The following CHRM2 variants were observed in gnomAD, a reference collection of about 807,000 sequenced individuals.
The protein encoded by CHRM2 is cholinergic receptor muscarinic 2, also known as muscarinic acetylcholine receptor M2.
Under a neutral mutation model 25.0 loss-of-function variants are expected in CHRM2, and 8 were observed. The ratio of observed to expected loss-of-function variants is 0.32; its 90% CI spans 0.19 to 0.58. The LOEUF (loss-of-function observed/expected upper bound fraction) is 0.58. CHRM2 is among the 20% of genes least tolerant of loss of function. The probability of loss-of-function intolerance (pLI) is 0.88; values close to 1 mark genes in which losing one functional copy is unlikely to be tolerated. For missense variants in CHRM2, 440 were observed against 567.1 expected (o/e 0.78, Z 2.28); for synonymous variants, 202 against 205.7 (o/e 0.98, Z 0.15).
chr7:136,965,889 T>C (rs558845201), intron 2 of CHRM2, among the ~76,000 whole-genome samples: 1 of 152,090 alleles, frequency 6.6e-6, no homozygotes, highest in East Asian at 1.9e-4. Context: ...TGAGCCATGA[T>C]GTGTTGACAA....
chr7:136,956,626 T>A (rs1800739941), intron 2 of CHRM2, among the ~76,000 whole-genome samples: 1 of 152,134 alleles, frequency 6.6e-6, no homozygotes, highest in Non-Finnish European at 1.5e-5. Flanking sequence ...AAATTACTGG[T>A]ATACTTTTTT....
At chr7:136,930,898 CAAAA>C (rs57705639) in intron 2 of CHRM2, among the ~76,000 whole-genome samples, 181 of 61,098 alleles carry the variant, frequency 3.0e-3, no homozygotes, top group East Asian at 0.022. Flanking sequence ...CTCATTCTCT[CAAAA>C]AAAAAAAAAA....
At chr7:136,985,487 G>A (rs560727041) in intron 2 of CHRM2, among the ~76,000 whole-genome samples, 2 of 119,312 alleles carry the variant, frequency 1.7e-5, no homozygotes, top group East Asian at 5.6e-4. Flanking sequence ...TCCAGCCTGG[G>A]TAACAGAGTT....
intron 3 of CHRM2, among the ~76,000 whole-genome samples, chr7:137,007,047 C>A (rs1420806344): frequency 6.6e-6 from 1 of 151,932 alleles, no homozygotes; most frequent in East Asian, 1.9e-4. Flanking sequence ...AAAAATCAAT[C>A]AAAGAAAAAC....
chr7:136,969,315 T>TA (rs2130923492), intron 2 of CHRM2, among the ~76,000 whole-genome samples: 1 of 152,298 alleles, frequency 6.6e-6, no homozygotes, highest in South Asian at 2.1e-4. Flanking sequence ...TTGGGTTCCA[T>TA]ATATTCTATC....
intron 2 of CHRM2, among the ~76,000 whole-genome samples, chr7:136,891,116 A>G (rs1317188588): frequency 6.6e-6 from 1 of 152,234 alleles, no homozygotes; most frequent in Non-Finnish European, 1.5e-5. Context: ...CCCATCACCT[A>G]GTTTTCTCTG....
intron 3 of CHRM2, among the ~76,000 whole-genome samples, chr7:137,012,732 T>C (rs1218243414): frequency 6.6e-6 from 1 of 152,022 alleles, no homozygotes; most frequent in Non-Finnish European, 1.5e-5. Context: ...ACAACATTTC[T>C]GAGTGAACAT....
At chr7:136,884,800 T>C (rs567508479) in intron 2 of CHRM2, among the ~76,000 whole-genome samples, 1 of 152,312 alleles carries the variant, frequency 6.6e-6, no homozygotes, top group Admixed American at 6.5e-5. Context: ...GTATTCTCTT[T>C]AGGGGCTACT....
At chr7:136,960,449 C>T (rs1384186353) in intron 2 of CHRM2, among the ~76,000 whole-genome samples, 1 of 152,190 alleles carries the variant, frequency 6.6e-6, no homozygotes, top group East Asian at 1.9e-4. Context: ...CCAGAACATC[C>T]TATTCACTCA....
At chr7:136,967,813 G>T (rs1187953173) in intron 2 of CHRM2, among the ~76,000 whole-genome samples, 2 of 151,886 alleles carry the variant, frequency 1.3e-5, no homozygotes, top group Non-Finnish European at 2.9e-5. Context: ...ACTACAATTA[G>T]GGTCTGAGTA....
intron 2 of CHRM2, chr7:136,907,904 T>C (rs559679175): frequency 6.6e-6 from 1 of 152,038 alleles, no homozygotes; most frequent in South Asian, 2.1e-4. Context: ...TTTGTTTCTA[T>C]GACCAGTATC....
At chr7:136,871,164 A>T (rs975728998) in intron 2 of CHRM2, 1 of 153,316 alleles carries the variant, frequency 6.5e-6, no homozygotes, top group African/African-American at 2.4e-5. Flanking sequence ...TGGAGAGGGG[A>T]AGTCAGCCTA....
intron 2 of CHRM2, among the ~76,000 whole-genome samples, chr7:136,873,802 T>TA (rs35832653): frequency 0.13 from 19,968 of 152,200 alleles, 1,451 homozygotes; most frequent in Non-Finnish European, 0.17. Context: ...ATGTTTTTGT[T>TA]AGATCCTCCA....
intron 2 of CHRM2, among the ~76,000 whole-genome samples, chr7:136,987,291 G>A (rs1465283914): frequency 6.6e-6 from 1 of 152,114 alleles, no homozygotes; most frequent in Non-Finnish European, 1.5e-5. Flanking sequence ...CAATCATTTA[G>A]GGGCACCCTC....
intron 2 of CHRM2, among the ~76,000 whole-genome samples, chr7:136,932,355 T>C (rs1285013872): frequency 6.6e-6 from 1 of 152,226 alleles, no homozygotes; most frequent in Non-Finnish European, 1.5e-5. Flanking sequence ...GCTTCACTGG[T>C]GAATTCTTCT....
chr7:136,995,089 A>G (rs1803505829), intron 3 of CHRM2, among the ~76,000 whole-genome samples: 1 of 152,086 alleles, frequency 6.6e-6, no homozygotes, highest in Non-Finnish European at 1.5e-5. Flanking sequence ...GTAAAATAAT[A>G]GCTTTTATAT....
At chr7:136,907,559 A>G (rs938228003) in intron 2 of CHRM2, among the ~76,000 whole-genome samples, 2 of 151,922 alleles carry the variant, frequency 1.3e-5, no homozygotes, top group East Asian at 1.9e-4. Flanking sequence ...TTGAATCTCC[A>G]AATTTTTCAT....
intron 2 of CHRM2, among the ~76,000 whole-genome samples, chr7:136,932,023 A>T (rs1367175243): frequency 2.0e-5 from 3 of 151,842 alleles, no homozygotes; most frequent in Non-Finnish European, 2.9e-5. Flanking sequence ...TTTTTGGAAA[A>T]CTCTCTCTGT....
intron 3 of CHRM2, among the ~76,000 whole-genome samples, chr7:137,008,419 C>T (rs1314160224): frequency 6.6e-6 from 1 of 152,020 alleles, no homozygotes; most frequent in Admixed American, 6.6e-5. Flanking sequence ...TCTCTAAAGA[C>T]ATTCTATGGT....
Sources: gnomAD v4.1 joint callset for allele counts (sites outside exome capture counted in the v4.1 genomes callset) on GRCh38, gnomAD v4.1.1 for gene constraint, MANE v1.5 for transcripts, NCBI Gene and HGNC (gene_info 2026-07-23, HGNC 2026-07-21) for gene names.